Variants in ARMC9 observed in about 807,000 individuals in gnomAD.
ARMC9 encodes the protein lisH domain-containing protein ARMC9.
ARMC9 carries 94 observed loss-of-function variants against 107.0 expected under a neutral mutation model. The ratio of observed to expected loss-of-function variants is 0.88; its 90% confidence interval spans 0.74 to 1.04. The LOEUF (loss-of-function observed/expected upper bound fraction) is 1.04. ARMC9 is among the 50% of genes least tolerant of loss of function. The pLI is 0.00. For missense variants in ARMC9, 942 were observed against 1,030.1 expected, an observed-to-expected ratio of 0.91 and a Z score of 1.17; for synonymous variants, 380 against 396.9, an observed-to-expected ratio of 0.96 and a Z score of 0.51.
rs185077351 is a variant in ARMC9, at chr2:231,319,701, C to G, written c.1774-12092C>G. 1.9e-3 allele frequency among the ~76,000 whole-genome samples: 294 copies of G among 152,300 alleles called. 2 individuals are homozygous for G. The highest frequency in any genetic ancestry group is 6.8e-3 in the African/African-American group (282 of 41,560). The stretch of plus-strand genomic sequence containing the variant: ...CTGCTCCACATCCTGGCTTAAGCCT[C>G]ACACCCCTCTCTGTACTAACTTCCC... On this transcript the variant is annotated intron_variant, in intron 19 of 24. Coordinates refer to ENST00000611582, the MANE Select transcript of ARMC9 (RefSeq NM_001352754.2).
At chr2:231,203,275 A>C (rs534898186) in intron 1 of ARMC9, among the ~76,000 whole-genome samples, 1 of 152,266 alleles carries the variant, frequency 6.6e-6, no homozygotes, top group Admixed American at 6.5e-5. Context: ...GTCCTTCCCC[A>C]GGTTTTCGTT....
chr2:231,269,574 G>T (rs1009944349), intron 12 of ARMC9, among the ~76,000 whole-genome samples: 1 of 151,288 alleles, frequency 6.6e-6, no homozygotes, highest in Non-Finnish European at 1.5e-5. Context: ...TTGTAGAGAC[G>T]GGGTTTCACC....
At chr2:231,296,133 C>G in intron 18 of ARMC9, 65 bp from the exon 19 acceptor site, 1 of 1,291,558 alleles carries the variant, frequency 7.7e-7, no homozygotes, top group South Asian at 1.3e-5. Context: ...CAGAGGCTGA[C>G]AGATTCTGTG....
intron 8 of ARMC9, among the ~76,000 whole-genome samples, chr2:231,236,150 A>G (rs936778585): frequency 3.9e-5 from 6 of 152,174 alleles, no homozygotes; most frequent in African/African-American, 1.4e-4. Flanking sequence ...GTGCTAGCAA[A>G]AAAATGAGGG....
intron 20 of ARMC9, among the ~76,000 whole-genome samples, chr2:231,337,290 A>ATTTTTTT (rs58078324): frequency 5.5e-4 from 21 of 38,018 alleles, no homozygotes; most frequent in African/African-American, 7.3e-4. Flanking sequence ...ATATATATAT[A>ATTTTTTT]TTTTTTTTTT....
chr2:231,322,417 A>G lies in ARMC9; in HGVS notation c.1774-9376A>G, dbSNP rs1003023056. 2.6e-5 allele frequency among the ~76,000 whole-genome samples: 4 copies of G among 152,242 alleles called. No individual in the cohort carries two copies. The East Asian group carries it at 7.7e-4, about 29-fold the overall frequency. Reference sequence around the variant, plus strand: ...AATTTAAACTACTTATAGAAGTCTTATAATTATTTCAAGTGGAAAGCACAC... The same window carrying G: ...AATTTAAACTACTTATAGAAGTCTTGTAATTATTTCAAGTGGAAAGCACAC... On this transcript the variant is annotated intron_variant, in intron 19 of 24. Coordinates refer to ENST00000611582, the MANE Select transcript of ARMC9 (RefSeq NM_001352754.2).
chr2:231,323,024 A>G (rs1177215139), intron 19 of ARMC9, among the ~76,000 whole-genome samples: 2 of 152,140 alleles, frequency 1.3e-5, no homozygotes, highest in Non-Finnish European at 2.9e-5. Context: ...GAGAGAGGCT[A>G]GCAGAATTCT....
chr2:231,316,475 A>G (rs2042686878), intron 19 of ARMC9, among the ~76,000 whole-genome samples: 1 of 152,026 alleles, frequency 6.6e-6, no homozygotes, highest in Admixed American at 6.6e-5. Context: ...AGCCTGGCCA[A>G]CATGGTGAAA....
At chr2:231,213,631 C>T (rs2033164741) in intron 3 of ARMC9, among the ~76,000 whole-genome samples, 2 of 152,046 alleles carry the variant, frequency 1.3e-5, no homozygotes, top group Non-Finnish European at 2.9e-5. Context: ...CATGCACCAC[C>T]ATGCCCGGCT....
intron 19 of ARMC9, among the ~76,000 whole-genome samples, chr2:231,316,330 A>G (rs973710285): frequency 1.3e-5 from 2 of 151,832 alleles, no homozygotes; most frequent in Non-Finnish European, 2.9e-5. Flanking sequence ...TTTGGTCAAA[A>G]CACCTTCATT....
chr2:231,270,974 TC>T lies in ARMC9; in HGVS notation c.1120-3del. On this transcript the variant is annotated splice_polypyrimidine_tract_variant and splice_region_variant and intron_variant, in intron 12 of 24. Transcript: ENST00000611582. The stretch of plus-strand genomic sequence containing the variant: ...AACCTTGTTTTTCCTCTTGACGTTT[TC>T]CCCCAGAGGAGTGTGCTTCAGTTGC... The T allele has an allele frequency of 6.2e-7, 1 of 1,613,456 alleles. No homozygotes were observed.
At chr2:231,226,635 C>T in intron 6 of ARMC9, 139 bp from the exon 7 acceptor site, 1 of 961,640 alleles carries the variant, frequency 1.0e-6, no homozygotes, top group Non-Finnish European at 1.7e-6. Flanking sequence ...TTTACAGCAA[C>T]AGTTGGAGCT....
chr2:231,285,693 CAG>C (rs1272273039), intron 17 of ARMC9, among the ~76,000 whole-genome samples: 1 of 151,638 alleles, frequency 6.6e-6, no homozygotes, highest in Non-Finnish European at 1.5e-5. Context: ...TGGCATTTAA[CAG>C]AGATTAAAGA....
chr2:231,211,162 C>A (rs6437007), intron 3 of ARMC9, among the ~76,000 whole-genome samples: 5,113 of 150,268 alleles, frequency 0.034, 102 homozygotes, highest in African/African-American at 0.052. Flanking sequence ...ACACACACCC[C>A]CACAGTTTAT....
intron 21 of ARMC9, among the ~76,000 whole-genome samples, chr2:231,349,538 T>C (rs2044957266): frequency 6.6e-6 from 1 of 152,022 alleles, no homozygotes; most frequent in Admixed American, 6.6e-5. Context: ...TCTCAACACT[T>C]TGGGAGGCCG....
At chr2:231,226,039 C>G (rs1199460350) in intron 6 of ARMC9, among the ~76,000 whole-genome samples, 1 of 152,110 alleles carries the variant, frequency 6.6e-6, no homozygotes, top group African/African-American at 2.4e-5. Flanking sequence ...GCATTTTTAG[C>G]AGAGACAGGG....
At chr2:231,256,184 G>A in intron 9 of ARMC9, 8 of 1,531,708 alleles carry the variant, frequency 5.2e-6, no homozygotes, top group Non-Finnish European at 6.2e-6. Context: ...GTGCACGCAG[G>A]TGCGCGTGGA....
intron 19 of ARMC9, among the ~76,000 whole-genome samples, chr2:231,316,403 G>A (rs573480096): frequency 1.3e-5 from 2 of 152,124 alleles, no homozygotes; most frequent in East Asian, 3.9e-4. Context: ...GTTCATGCCT[G>A]TAATCCCAGC....
chr2:231,227,210 A>G (rs1025094583), intron 7 of ARMC9, among the ~76,000 whole-genome samples: 1 of 152,176 alleles, frequency 6.6e-6, no homozygotes, highest in Non-Finnish European at 1.5e-5. Flanking sequence ...TGGAGTACCC[A>G]TTCTTATCAA....
Sources: gnomAD v4.1 joint callset for allele counts (sites outside exome capture counted in the v4.1 genomes callset) on GRCh38, gnomAD v4.1.1 for gene constraint, MANE v1.5 for transcripts, NCBI Gene and HGNC (gene_info 2026-07-23, HGNC 2026-07-21) for gene names.